The following STK3 variants were observed in gnomAD, a reference collection of about 807,000 sequenced individuals.
STK3 encodes serine/threonine kinase 3, also known as serine/threonine-protein kinase 3.
A neutral mutation model predicts 58.0 loss-of-function variants in STK3; 41 were observed. That is an observed-to-expected ratio of 0.71 (90% confidence interval 0.55 to 0.92). The LOEUF (loss-of-function observed/expected upper bound fraction) is 0.92. Among genes scored for constraint, STK3 ranks in the 40% least tolerant of loss-of-function variants. The pLI is 0.00. For synonymous variants in STK3, 170 were observed against 191.0 expected (o/e 0.89, Z 0.91); for missense variants, 479 against 602.7 (o/e 0.79, Z 2.15).
At chr8:98,901,316 A>G (rs2131952612) in intron 1 of STK3, among the ~76,000 whole-genome samples, 1 of 152,360 alleles carries the variant, frequency 6.6e-6, no homozygotes, top group Admixed American at 6.5e-5. Context: ...ACTATTCACA[A>G]TAAGCTTTTA....
chr8:98,710,830 C>G (rs1020554930), intron 4 of STK3, among the ~76,000 whole-genome samples: 3 of 152,236 alleles, frequency 2.0e-5, no homozygotes, highest in African/African-American at 7.2e-5. Flanking sequence ...TGAGAACAGA[C>G]AGACTGCCTC....
chr8:98,412,709 T>C (rs1818070366), intron 3 of STK3, among the ~76,000 whole-genome samples: 1 of 152,214 alleles, frequency 6.6e-6, no homozygotes, highest in Non-Finnish European at 1.5e-5. Flanking sequence ...GAGAGGGTTT[T>C]TGATTTTCAG....
At chr8:98,920,833 A>G (rs1159579981) in intron 1 of STK3, among the ~76,000 whole-genome samples, 3 of 152,260 alleles carry the variant, frequency 2.0e-5, no homozygotes, top group African/African-American at 7.2e-5. Context: ...GTCAGGGTCC[A>G]GGTTCTTAAC....
chr8:98,518,152 T>G (rs1825077234), intron 10 of STK3, among the ~76,000 whole-genome samples: 1 of 152,094 alleles, frequency 6.6e-6, no homozygotes, highest in African/African-American at 2.4e-5. Flanking sequence ...AATTATAACA[T>G]GTTGACAAGA....
intron 2 of STK3, among the ~76,000 whole-genome samples, chr8:98,375,933 A>G (rs1158710444): frequency 6.6e-6 from 1 of 152,224 alleles, no homozygotes; most frequent in African/African-American, 2.4e-5. Context: ...TCTCTGGAGT[A>G]GATACACAGG....
chr8:98,609,580 AC>A (rs1242152709), intron 6 of STK3, among the ~76,000 whole-genome samples: 1 of 152,240 alleles, frequency 6.6e-6, no homozygotes, highest in African/African-American at 2.4e-5. Flanking sequence ...AGAAGACAGT[AC>A]AAAAACATCA....
chr8:98,402,915 G>C (rs542360694), intron 3 of STK3, among the ~76,000 whole-genome samples: 2 of 152,334 alleles, frequency 1.3e-5, no homozygotes, highest in East Asian at 3.9e-4. Context: ...GGCTGAGAGA[G>C]GAGACCCCAC....
At chr8:98,909,152 C>T (rs1839037700) in intron 1 of STK3, among the ~76,000 whole-genome samples, 1 of 152,148 alleles carries the variant, frequency 6.6e-6, no homozygotes, top group Non-Finnish European at 1.5e-5. Context: ...CAGAGTGAGA[C>T]TCTGTCTCAA....
intron 3 of STK3, among the ~76,000 whole-genome samples, chr8:98,845,000 C>G (rs1366705630): frequency 6.6e-6 from 1 of 152,156 alleles, no homozygotes; most frequent in East Asian, 1.9e-4. Context: ...ATCCCAGTGG[C>G]AATGACTTGA....
chr8:98,376,614 T>G (rs1427059804), intron 2 of STK3, among the ~76,000 whole-genome samples: 1 of 152,232 alleles, frequency 6.6e-6, no homozygotes, highest in Non-Finnish European at 1.5e-5. Flanking sequence ...AGATGGAGAT[T>G]CAGCTTTTGC....
At chr8:98,412,602 C>T (rs1259727006) in intron 3 of STK3, among the ~76,000 whole-genome samples, 1 of 152,252 alleles carries the variant, frequency 6.6e-6, no homozygotes, top group Non-Finnish European at 1.5e-5. Flanking sequence ...GTCCTTATCA[C>T]TGACCTCCTC....
intron 4 of STK3, among the ~76,000 whole-genome samples, chr8:98,724,302 C>T (rs756425198): frequency 3.9e-5 from 6 of 152,166 alleles, no homozygotes; most frequent in Admixed American, 2.0e-4. Flanking sequence ...TACCATTCTA[C>T]CACTCAGGAA....
chr8:98,542,405 C>T (rs1810364285), intron 9 of STK3, among the ~76,000 whole-genome samples: 1 of 152,106 alleles, frequency 6.6e-6, no homozygotes, highest in Admixed American at 6.5e-5. Context: ...AGCATTTGCT[C>T]ATCTTGCCAT....
At chr8:98,586,225 C>T (rs1437333142) in intron 7 of STK3, among the ~76,000 whole-genome samples, 1 of 151,714 alleles carries the variant, frequency 6.6e-6, no homozygotes, top group Non-Finnish European at 1.5e-5. Context: ...ATGATATTGG[C>T]TGTGGGTTTG....
intron 1 of STK3, chr8:98,889,771 G>T (rs995204779): frequency 3.9e-5 from 6 of 152,186 alleles, no homozygotes; most frequent in Admixed American, 6.5e-5. Flanking sequence ...TTGCTGAACC[G>T]TACCTCCACA....
chr8:98,371,179 C>A (rs984187739), downstream of STK3, among the ~76,000 whole-genome samples: 1 of 152,208 alleles, frequency 6.6e-6, no homozygotes, highest in African/African-American at 2.4e-5. Context: ...CAGGGCCCAG[C>A]CTAAAGCCAC....
intron 2 of STK3, among the ~76,000 whole-genome samples, chr8:98,376,728 G>A (rs919916401): frequency 1.3e-5 from 2 of 152,140 alleles, no homozygotes; most frequent in African/African-American, 4.8e-5. Context: ...GAAAACGTAT[G>A]TTTATAACTT....
intron 6 of STK3, among the ~76,000 whole-genome samples, chr8:98,678,712 T>G (rs907895422): frequency 2.6e-5 from 4 of 152,218 alleles, no homozygotes; most frequent in South Asian, 2.1e-4. Flanking sequence ...AAAACCAGTA[T>G]GTACTAATGG....
chr8:98,521,138 G>A (rs1314506204), intron 10 of STK3, among the ~76,000 whole-genome samples: 2 of 152,100 alleles, frequency 1.3e-5, no homozygotes, highest in East Asian at 1.9e-4. Context: ...CAGTTGACAG[G>A]TGTAATAAAT....
Sources: allele counts gnomAD v4.1 joint callset (sites outside exome capture counted in the v4.1 genomes callset), GRCh38; gene constraint gnomAD v4.1.1; transcripts MANE v1.5; gene names NCBI Gene and HGNC (gene_info 2026-07-23, HGNC 2026-07-21).